NEGR1: variants seen among roughly 807,000 people sequenced by gnomAD.
NEGR1 encodes the protein neuronal growth regulator 1.
Under a neutral mutation model 40.9 loss-of-function variants are expected in NEGR1, and 10 were observed. That is an observed-to-expected ratio of 0.24 (90% CI 0.15 to 0.42). NEGR1 has a LOEUF of 0.42. Among genes scored for constraint, NEGR1 ranks in the 10% least tolerant of loss-of-function variants. The pLI is 1.00. For missense variants in NEGR1, 352 were observed against 438.9 expected (o/e 0.80, Z 1.77); for synonymous variants, 185 against 166.8 (o/e 1.11, Z -0.84).
At chr1:71,921,385 G>C (rs1645715635) in intron 2 of NEGR1, among the ~76,000 whole-genome samples, 2 of 151,942 alleles carry the variant, frequency 1.3e-5, no homozygotes, top group Admixed American at 6.6e-5. Context: ...AACAATGCAG[G>C]TTTAAACTTC....
chr1:71,749,029 T>C (rs1212747036), intron 3 of NEGR1, among the ~76,000 whole-genome samples: 5 of 152,188 alleles, frequency 3.3e-5, no homozygotes, highest in Non-Finnish European at 7.4e-5. Flanking sequence ...ATTGAGAACT[T>C]GTTAACTTAA....
intron 1 of NEGR1, among the ~76,000 whole-genome samples, chr1:72,094,156 T>C (rs1372635140): frequency 6.6e-6 from 1 of 152,164 alleles, no homozygotes; most frequent in East Asian, 1.9e-4. Context: ...GATGCTCAAG[T>C]GTAGGGGAAA....
chr1:71,938,950 A>G (rs1259748057), intron 1 of NEGR1, among the ~76,000 whole-genome samples: 2 of 152,136 alleles, frequency 1.3e-5, no homozygotes. Flanking sequence ...TCAGATCATC[A>G]ACAACTCCAG....
intron 3 of NEGR1, among the ~76,000 whole-genome samples, chr1:71,720,812 C>T (rs1486158236): frequency 6.6e-6 from 1 of 152,122 alleles, no homozygotes; most frequent in African/African-American, 2.4e-5. Context: ...CACAGTTTGC[C>T]TACATGTGAG....
At chr1:72,137,681 A>G (rs1423256693) in intron 1 of NEGR1, among the ~76,000 whole-genome samples, 1 of 152,172 alleles carries the variant, frequency 6.6e-6, no homozygotes, top group African/African-American at 2.4e-5. Context: ...ATGTAGACCT[A>G]TGTAACAAAC....
chr1:71,673,092 A>G (rs1462114174), intron 4 of NEGR1, among the ~76,000 whole-genome samples: 1 of 152,032 alleles, frequency 6.6e-6, no homozygotes. Context: ...AAACAAAATT[A>G]GCCTGGCATT....
chr1:71,719,272 G>T (rs549859243), intron 3 of NEGR1, among the ~76,000 whole-genome samples: 55 of 152,226 alleles, frequency 3.6e-4, no homozygotes, highest in African/African-American at 1.1e-3. Context: ...GAAATAAAAA[G>T]TTATGTCTTA....
At chr1:71,584,352 T>C (rs1297997656) in intron 6 of NEGR1, among the ~76,000 whole-genome samples, 1 of 152,214 alleles carries the variant, frequency 6.6e-6, no homozygotes, top group East Asian at 1.9e-4. Flanking sequence ...TTTACCTTTA[T>C]CTGGAACATC....
At chr1:71,520,104 TGTA>T (rs1647145339) in intron 6 of NEGR1, among the ~76,000 whole-genome samples, 1 of 152,066 alleles carries the variant, frequency 6.6e-6, no homozygotes, top group Non-Finnish European at 1.5e-5. Flanking sequence ...TTTTTAAGTT[TGTA>T]GGAGTTGGAG....
chr1:71,758,458 A>G (rs1332091119), intron 3 of NEGR1, among the ~76,000 whole-genome samples: 2 of 152,126 alleles, frequency 1.3e-5, no homozygotes, highest in Non-Finnish European at 2.9e-5. Context: ...AAGAGATAGC[A>G]TACTAAAAGT....
intron 6 of NEGR1, among the ~76,000 whole-genome samples, chr1:71,471,616 C>T (rs1246743339): frequency 1.3e-5 from 2 of 151,938 alleles, no homozygotes; most frequent in Non-Finnish European, 1.5e-5. Context: ...GCCTGGGCGA[C>T]AGAGTGAGAC....
At chr1:71,910,471 T>G (rs992732372) in intron 2 of NEGR1, among the ~76,000 whole-genome samples, 2 of 152,182 alleles carry the variant, frequency 1.3e-5, no homozygotes, top group Non-Finnish European at 2.9e-5. Flanking sequence ...CAATTTGATA[T>G]TGTTCACTAA....
At chr1:72,037,279 A>G (rs907652404) in intron 1 of NEGR1, among the ~76,000 whole-genome samples, 3 of 152,212 alleles carry the variant, frequency 2.0e-5, no homozygotes, top group African/African-American at 7.2e-5. Flanking sequence ...GTTACAAAAG[A>G]TAATTGCTAC....
At chr1:71,691,698 T>A (rs767271109) in intron 4 of NEGR1, among the ~76,000 whole-genome samples, 2 of 151,758 alleles carry the variant, frequency 1.3e-5, no homozygotes, top group South Asian at 2.1e-4. Flanking sequence ...GGAAATTCAC[T>A]AACTCTCACC....
intron 1 of NEGR1, among the ~76,000 whole-genome samples, chr1:72,201,132 A>G (rs1653190136): frequency 6.6e-6 from 1 of 151,884 alleles, no homozygotes; most frequent in Admixed American, 6.6e-5. Flanking sequence ...CATTGTGTGG[A>G]AATGACAGAT....
chr1:71,895,471 C>T (rs900397850), intron 2 of NEGR1, among the ~76,000 whole-genome samples: 82 of 152,288 alleles, frequency 5.4e-4, no homozygotes, highest in Admixed American at 3.3e-3. Context: ...CTTCCTCTTG[C>T]CCCTGGTTAC....
chr1:72,267,381 T>C (rs928572594), intron 1 of NEGR1, among the ~76,000 whole-genome samples: 4 of 151,216 alleles, frequency 2.6e-5, no homozygotes, highest in South Asian at 4.1e-4. Context: ...ACAGGAATTT[T>C]AATGTGAAAA....
At chr1:72,048,216 A>G (rs1647020703) in intron 1 of NEGR1, among the ~76,000 whole-genome samples, 1 of 151,642 alleles carries the variant, frequency 6.6e-6, no homozygotes, top group Admixed American at 6.6e-5. Context: ...TAGAAGTGAT[A>G]ACGACAGCAC....
chr1:71,622,769 A>G (rs764075029), intron 4 of NEGR1, among the ~76,000 whole-genome samples: 17 of 151,936 alleles, frequency 1.1e-4, no homozygotes, highest in Non-Finnish European at 2.2e-4. Context: ...TGAGGATAGC[A>G]TTGGTTGGAT....
Sources: gnomAD v4.1 joint callset for allele counts (sites outside exome capture counted in the v4.1 genomes callset) on GRCh38, gnomAD v4.1.1 for gene constraint, MANE v1.5 for transcripts, NCBI Gene and HGNC (gene_info 2026-07-23, HGNC 2026-07-21) for gene names.